Variants in NEK6 observed in about 807,000 individuals in gnomAD.
NEK6 encodes the protein NIMA related kinase 6, also known as serine/threonine-protein kinase Nek6.
A neutral mutation model predicts 43.5 loss-of-function variants in NEK6; 27 were observed. That is an observed-to-expected ratio of 0.62 (90% confidence interval 0.46 to 0.86). NEK6 has a LOEUF of 0.86. NEK6 is among the 40% of genes least tolerant of loss of function. The pLI is 0.00. For missense variants in NEK6, 318 were observed against 414.4 expected, an observed-to-expected ratio of 0.77 and a Z score of 2.02; for synonymous variants, 167 against 164.1, an observed-to-expected ratio of 1.02 and a Z score of -0.14.
chr9:124,318,057 G>C (rs80289710), intron 4 of NEK6, among the ~76,000 whole-genome samples: 6,846 of 152,246 alleles, frequency 0.045, 225 homozygotes, highest in African/African-American at 0.095. Context: ...GGATTGCTGG[G>C]TCAAATGGTA....
At chr9:124,302,228 T>C (rs73584352) in intron 2 of NEK6, among the ~76,000 whole-genome samples, 174 bp downstream of exon 2, 4,671 of 152,262 alleles carry the variant, frequency 0.031, 233 homozygotes, top group African/African-American at 0.11. Flanking sequence ...AGCTCATCGT[T>C]GAATTCAGTA....
chr9:124,267,565 G>A (rs1317576918), intron 1 of NEK6, among the ~76,000 whole-genome samples: 1 of 152,260 alleles, frequency 6.6e-6, no homozygotes, highest in Non-Finnish European at 1.5e-5. Flanking sequence ...AAGTGTGGGA[G>A]CCGCCTGCTC....
rs1164474452 is a variant in NEK6 at position 124,352,253 on chromosome 9, C to G, written c.*1306C>G. On this transcript the variant is annotated 3_prime_UTR_variant, in exon 10 of 10. Coordinates refer to ENST00000320246, the MANE Select transcript of NEK6 (RefSeq NM_014397.6). ...GACACCTGCTGCCTGCAGGCATTCACTGACCAGGCCTTTCCTGGAGGAAAC... is the reference window on the plus strand; with the variant it reads ...GACACCTGCTGCCTGCAGGCATTCAGTGACCAGGCCTTTCCTGGAGGAAAC... 6.6e-6 allele frequency: 1 copy of G among 152,372 alleles called. No individual in the cohort carries two copies. The highest frequency in any genetic ancestry group is 1.5e-5 in the Non-Finnish European group (1 of 68,050). 9.4% of individuals were successfully genotyped at this position (152,372 alleles called of 1,614,324 possible). A position where few individuals can be genotyped will look rare whatever the true frequency, so the allele number is the denominator to read the frequency against.
chr9:124,258,207 C>T (rs1830884620), intron 1 of NEK6, 122 bp downstream of exon 1: 6 of 975,358 alleles, frequency 6.2e-6, no homozygotes, highest in African/African-American at 5.3e-5. Context: ...CACGGCTCCG[C>T]GGGGGAGAGC....
At chr9:124,292,475 G>T in intron 1 of NEK6, 1 of 1,537,070 alleles carries the variant, frequency 6.5e-7, no homozygotes, top group East Asian at 2.4e-5. Context: ...GAGGCCACGG[G>T]CTTGAAAGCT....
At chr9:124,272,625 T>C (rs1390326456) in intron 1 of NEK6, among the ~76,000 whole-genome samples, 1 of 152,224 alleles carries the variant, frequency 6.6e-6, no homozygotes, top group African/African-American at 2.4e-5. Flanking sequence ...AATCAGTTTT[T>C]CCAGTTGCAA....
intron 4 of NEK6, among the ~76,000 whole-genome samples, chr9:124,314,949 C>T (rs763100240): frequency 8.5e-5 from 13 of 152,242 alleles, no homozygotes; most frequent in Admixed American, 6.5e-4. Flanking sequence ...CGGGAGCCAC[C>T]GCACCCGGCC....
chr9:124,303,558 T>A (rs113451191), intron 2 of NEK6, among the ~76,000 whole-genome samples: 3,024 of 152,268 alleles, frequency 0.02, 91 homozygotes, highest in African/African-American at 0.07. Context: ...AGGCGACACG[T>A]TGAGCTTAGT....
intron 8 of NEK6, among the ~76,000 whole-genome samples, chr9:124,345,557 G>A (rs887781524): frequency 2.0e-5 from 3 of 152,230 alleles, no homozygotes; most frequent in African/African-American, 7.2e-5. Flanking sequence ...GCGTTCTGGG[G>A]CCTTTGGAGT....
At chr9:124,349,148 G>T (rs1388823080) in intron 9 of NEK6, among the ~76,000 whole-genome samples, 1 of 152,256 alleles carries the variant, frequency 6.6e-6, no homozygotes, top group Non-Finnish European at 1.5e-5. Flanking sequence ...GAGCTCGAGT[G>T]TCGGGCGCTG....
chr9:124,268,835 A>C (rs1831318869), intron 1 of NEK6, among the ~76,000 whole-genome samples: 1 of 152,212 alleles, frequency 6.6e-6, no homozygotes, highest in South Asian at 2.1e-4. Context: ...TGAAGCCCAA[A>C]TGCACAGAAC....
At position 124,326,716 on chromosome 9, in the gene NEK6, C is replaced by A. The variant is rs893443471; in HGVS notation, c.514+278C>A. 1.3e-5 allele frequency among the ~76,000 whole-genome samples: 2 copies of A among 152,188 alleles called. No homozygotes were observed. The highest frequency in any genetic ancestry group is 4.8e-5 in the African/African-American group (2 of 41,442). On this transcript the variant is annotated intron_variant, in intron 6 of 9. Coordinates refer to ENST00000320246, the MANE Select transcript of NEK6 (RefSeq NM_014397.6). This position sits in a 1 kb window ranked among gnomAD's most constrained non-coding sequence, Gnocchi z 4.5. ...AGCCTGGGAGGGAGGTCGAGGAAGC[C>A]TCGCACAGAGGGGACTTTCATGGGG...
chr9:124,280,791 C>T (rs1831869492), intron 1 of NEK6, among the ~76,000 whole-genome samples: 1 of 152,098 alleles, frequency 6.6e-6, no homozygotes, highest in African/African-American at 2.4e-5. Context: ...GCTTTTTTCT[C>T]TTCATTTTTT....
At chr9:124,332,224 C>T (rs553386472) in intron 7 of NEK6, among the ~76,000 whole-genome samples, 5 of 152,364 alleles carry the variant, frequency 3.3e-5, no homozygotes, top group East Asian at 1.9e-4. Context: ...GGCCGTTCCC[C>T]GGGAAGGCTG....
intron 1 of NEK6, among the ~76,000 whole-genome samples, chr9:124,289,074 G>A (rs1488686607): frequency 6.6e-6 from 1 of 151,876 alleles, no homozygotes; most frequent in Non-Finnish European, 1.5e-5. Context: ...TTGAACTCCT[G>A]GGCTTAAGTG....
At chr9:124,307,715 G>A (rs954811724) in intron 2 of NEK6, among the ~76,000 whole-genome samples, 1 of 152,222 alleles carries the variant, frequency 6.6e-6, no homozygotes, top group Non-Finnish European at 1.5e-5. Context: ...AGCCCTGGAA[G>A]GGAGGCTGAG....
intron 1 of NEK6, among the ~76,000 whole-genome samples, chr9:124,258,563 G>A (rs1297930011): frequency 6.6e-6 from 1 of 152,256 alleles, no homozygotes; most frequent in East Asian, 1.9e-4. Context: ...CTGTGTGGGT[G>A]TGAGTATAAC....
At chr9:124,307,146 C>T (rs1005816074) in intron 2 of NEK6, among the ~76,000 whole-genome samples, 1 of 150,278 alleles carries the variant, frequency 6.7e-6, no homozygotes, top group Non-Finnish European at 1.5e-5. Context: ...AAAAAAGATT[C>T]GTCTATGGCT....
chr9:124,266,977 C>T (rs1831255475), intron 1 of NEK6, among the ~76,000 whole-genome samples: 1 of 152,212 alleles, frequency 6.6e-6, no homozygotes, highest in Non-Finnish European at 1.5e-5. Flanking sequence ...CTTCCTATGC[C>T]CCTTCCCTGC....
Sources: allele counts gnomAD v4.1 joint callset (sites outside exome capture counted in the v4.1 genomes callset), GRCh38; gene constraint gnomAD v4.1.1; non-coding constraint Gnocchi (gnomAD v3.1); transcripts MANE v1.5; gene names NCBI Gene and HGNC (gene_info 2026-07-23, HGNC 2026-07-21).